Variants in H2BC5 observed in about 807,000 individuals in gnomAD.
H2BC5 encodes histone H2B type 1-D.
A neutral mutation model predicts 5.7 loss-of-function variants in H2BC5; 9 were observed. The ratio of observed to expected loss-of-function variants is 1.57; its 90% confidence interval spans 0.95 to 2.74. H2BC5 has a LOEUF of 2.74. Among genes scored for constraint, H2BC5 ranks in the 30% most tolerant of loss-of-function variants. The pLI is 0.00. For missense variants in H2BC5, 175 were observed against 168.8 expected (o/e 1.04, Z -0.20); for synonymous variants, 133 against 70.9 (o/e 1.88, Z -4.40).
chr6:26,161,608 T>C (rs1219980989), downstream of H2BC5, among the ~76,000 whole-genome samples: 1 of 151,790 alleles, frequency 6.6e-6, no homozygotes, highest in African/African-American at 2.4e-5. Context: ...CCGACTCTAC[T>C]GAAAATACAA....
chr6:26,160,166 GCATT>G (rs1561968824), downstream of H2BC5, among the ~76,000 whole-genome samples: 8 of 152,086 alleles, frequency 5.3e-5, no homozygotes, highest in Non-Finnish European at 1.5e-5. Context: ...CTTGTTCCTG[GCATT>G]CATACCATAG....
intron 1 of H2BC5, chr6:26,164,420 G>A (rs1764390880): frequency 1.0e-5 from 2 of 200,930 alleles, no homozygotes; most frequent in African/African-American, 2.4e-5. Context: ...TCCCAGGACA[G>A]GGAACAAAAA....
At chr6:26,159,034 C>T (rs1764298046), downstream of H2BC5, among the ~76,000 whole-genome samples, 1 of 152,068 alleles carries the variant, frequency 6.6e-6, no homozygotes, top group Non-Finnish European at 1.5e-5. Flanking sequence ...CAAGTAAAGG[C>T]TGAAGACAAT....
At chr6:26,167,949 G>T (rs1442246159) in intron 1 of H2BC5, among the ~76,000 whole-genome samples, 1 of 151,262 alleles carries the variant, frequency 6.6e-6, no homozygotes, top group Non-Finnish European at 1.5e-5. Context: ...CAACGTGCAG[G>T]TTTGTTACAT....
downstream of H2BC5, chr6:26,161,248 G>A (rs1337390013): frequency 6.6e-6 from 1 of 152,066 alleles, no homozygotes; most frequent in African/African-American, 2.4e-5. Flanking sequence ...TAAATATATT[G>A]AGGGACTAAG....
At chr6:26,169,327 G>A (rs1279954123) in intron 1 of H2BC5, among the ~76,000 whole-genome samples, 2 of 152,110 alleles carry the variant, frequency 1.3e-5, no homozygotes, top group African/African-American at 4.8e-5. Flanking sequence ...ACCTCCTGGA[G>A]CCCTCAGTTA....
At chr6:26,159,397 T>C (rs1764315274), downstream of H2BC5, among the ~76,000 whole-genome samples, 1 of 152,028 alleles carries the variant, frequency 6.6e-6, no homozygotes, top group African/African-American at 2.4e-5. Flanking sequence ...GTACAATTTA[T>C]CCTTTCCTAG....
chr6:26,159,120 A>C (rs1764300888), downstream of H2BC5, among the ~76,000 whole-genome samples: 1 of 152,164 alleles, frequency 6.6e-6, no homozygotes, highest in Non-Finnish European at 1.5e-5. Flanking sequence ...TGAAGCTCTT[A>C]AGCGAGTGGG....
downstream of H2BC5, among the ~76,000 whole-genome samples, chr6:26,159,250 T>TTTTTG (rs1764306200): frequency 7.2e-6 from 1 of 137,936 alleles, no homozygotes; most frequent in African/African-American, 2.7e-5. Flanking sequence ...TAGGTTTTTT[T>TTTTTG]TTTTTTTTTT....
chr6:26,162,656 C>A (rs1297526565), downstream of H2BC5, among the ~76,000 whole-genome samples: 1 of 152,076 alleles, frequency 6.6e-6, no homozygotes, highest in Non-Finnish European at 1.5e-5. Flanking sequence ...TTCATCTCAG[C>A]CACCTGAATA....
chr6:26,159,894 G>A (rs1263903429), downstream of H2BC5, among the ~76,000 whole-genome samples: 1 of 152,126 alleles, frequency 6.6e-6, no homozygotes, highest in African/African-American at 2.4e-5. Context: ...TCAGAGCCAG[G>A]GACTTGGCCC....
chr6:26,169,368 C>T (rs140711507), intron 1 of H2BC5, among the ~76,000 whole-genome samples: 66 of 152,234 alleles, frequency 4.3e-4, no homozygotes, highest in African/African-American at 1.4e-3. Flanking sequence ...TTTTCATTTA[C>T]CTTTGTCTTT....
At chr6:26,166,114 G>T (rs1235848087) in intron 1 of H2BC5, among the ~76,000 whole-genome samples, 1 of 152,218 alleles carries the variant, frequency 6.6e-6, no homozygotes, top group Non-Finnish European at 1.5e-5. Context: ...CACTTACTCA[G>T]TGTCTTTGAC....
At chr6:26,158,838 T>C (rs1764291462), downstream of H2BC5, among the ~76,000 whole-genome samples, 2 of 152,208 alleles carry the variant, frequency 1.3e-5, no homozygotes, top group Admixed American at 6.5e-5. Context: ...AATGTACAGC[T>C]CTTTGGTTTC....
intron 1 of H2BC5, chr6:26,164,004 C>T (rs753306042): frequency 5.3e-6 from 2 of 377,714 alleles, no homozygotes; most frequent in Non-Finnish European, 1.1e-5. Context: ...AATTAAGCTA[C>T]ACCCTTTCAG....
chr6:26,167,804 A>C (rs894773153), intron 1 of H2BC5, among the ~76,000 whole-genome samples: 7 of 152,112 alleles, frequency 4.6e-5, no homozygotes, highest in Non-Finnish European at 1.0e-4. Context: ...AAAACTTGTC[A>C]TCTGGCTTTG....
At chr6:26,163,197 T>G (rs948602698), downstream of H2BC5, 1 of 151,936 alleles carries the variant, frequency 6.6e-6, no homozygotes, top group African/African-American at 2.4e-5. Context: ...CACTGAAACC[T>G]CCACCTCCTG....
At chr6:26,160,324 TA>T (rs1764331776), downstream of H2BC5, among the ~76,000 whole-genome samples, 1 of 152,016 alleles carries the variant, frequency 6.6e-6, no homozygotes, top group African/African-American at 2.4e-5. Flanking sequence ...ACAGCTAAAA[TA>T]TCCCCCCAAA....
At chr6:26,171,260 C>G (rs531757338) in exon 2 of H2BC5, 13 of 152,130 alleles carry the variant, frequency 8.5e-5, no homozygotes, top group Non-Finnish European at 1.6e-4. Flanking sequence ...TTGCCATGGA[C>G]TACCTTTGCT....
Sources: gnomAD v4.1 joint callset for allele counts (sites outside exome capture counted in the v4.1 genomes callset) on GRCh38, gnomAD v4.1.1 for gene constraint, MANE v1.5 for transcripts, NCBI Gene and HGNC (gene_info 2026-07-23, HGNC 2026-07-21) for gene names.